RGS7: variants seen among roughly 807,000 people sequenced by gnomAD.
The protein encoded by RGS7 is regulator of G-protein signaling 7.
RGS7 carries 27 observed loss-of-function variants against 81.1 expected under a neutral mutation model. The observed-to-expected ratio is 0.33, with a 90% CI of 0.25 to 0.46. RGS7 has a LOEUF of 0.46. Among genes scored for constraint, RGS7 ranks in the 20% least tolerant of loss-of-function variants. The pLI, the probability that RGS7 is intolerant of heterozygous loss-of-function variation, is 1.00. For synonymous variants in RGS7, 208 were observed against 207.7 expected (o/e 1.00, Z -0.01); for missense variants, 396 against 607.4 (o/e 0.65, Z 3.66).
At chr1:240,834,468 G>GT (rs1165246247) in intron 9 of RGS7, among the ~76,000 whole-genome samples, 1 of 152,076 alleles carries the variant, frequency 6.6e-6, no homozygotes, top group Non-Finnish European at 1.5e-5. Context: ...TGATAAGGTG[G>GT]TAAGGACTTT....
At chr1:240,890,575 T>A (rs762076717) in intron 6 of RGS7, among the ~76,000 whole-genome samples, 7 of 151,966 alleles carry the variant, frequency 4.6e-5, no homozygotes, top group Non-Finnish European at 1.0e-4. Context: ...TTGAAGAGAA[T>A]GATAATGAAA....
chr1:240,912,150 CAAAAAAA>C (rs374318547), intron 6 of RGS7, among the ~76,000 whole-genome samples: 6 of 55,784 alleles, frequency 1.1e-4, no homozygotes, highest in African/African-American at 3.5e-4. Context: ...GATTCTGTCT[CAAAAAAA>C]AAAAAAAAAA....
chr1:241,014,012 A>G (rs142062919), intron 3 of RGS7, among the ~76,000 whole-genome samples: 8 of 152,228 alleles, frequency 5.3e-5, no homozygotes, highest in Non-Finnish European at 7.3e-5. Flanking sequence ...GTCCTTTTCA[A>G]GTAACCTTAC....
chr1:241,237,430 A>G (rs1039314706), intron 2 of RGS7, among the ~76,000 whole-genome samples: 2 of 152,120 alleles, frequency 1.3e-5, no homozygotes, highest in South Asian at 2.1e-4. Context: ...AGTTATTTCA[A>G]ACTCCAGCTA....
chr1:241,053,678 C>A (rs2148813669), intron 3 of RGS7, among the ~76,000 whole-genome samples: 1 of 152,184 alleles, frequency 6.6e-6, no homozygotes, highest in South Asian at 2.1e-4. Context: ...TTGGCTGTGT[C>A]CCCACCCAAA....
At chr1:240,915,953 A>G (rs1225196675) in intron 6 of RGS7, among the ~76,000 whole-genome samples, 1 of 151,896 alleles carries the variant, frequency 6.6e-6, no homozygotes, top group Non-Finnish European at 1.5e-5. Flanking sequence ...AAATACAAAG[A>G]GAAAAAAAAG....
intron 9 of RGS7, among the ~76,000 whole-genome samples, chr1:240,860,428 G>T (rs1661993164): frequency 6.6e-6 from 1 of 152,044 alleles, no homozygotes; most frequent in Admixed American, 6.6e-5. Context: ...TCTTTATGAA[G>T]AATTGATCTT....
chr1:240,827,028 T>C, intron 10 of RGS7, 70 bp downstream of exon 10: 3 of 1,267,836 alleles, frequency 2.4e-6, no homozygotes, highest in Non-Finnish European at 3.5e-6. Context: ...GAAGAAAGTG[T>C]TTTTATGGCT....
At chr1:241,096,441 G>A (rs1054064519) in intron 3 of RGS7, among the ~76,000 whole-genome samples, 11 of 151,770 alleles carry the variant, frequency 7.2e-5, no homozygotes, top group African/African-American at 2.2e-4. Context: ...CTAAATCCAC[G>A]ACAAAGCATC....
At chr1:240,906,188 A>T (rs1322617326) in intron 6 of RGS7, among the ~76,000 whole-genome samples, 1 of 151,946 alleles carries the variant, frequency 6.6e-6, no homozygotes. Flanking sequence ...ATCACTCTGG[A>T]AAGAGGTGGT....
intron 6 of RGS7, among the ~76,000 whole-genome samples, chr1:240,905,597 T>C (rs568722129): frequency 4.6e-5 from 7 of 152,220 alleles, no homozygotes; most frequent in Non-Finnish European, 1.0e-4. Flanking sequence ...GTTAGTCTGA[T>C]TCCAAAACTT....
intron 18 of RGS7, among the ~76,000 whole-genome samples, chr1:240,784,771 T>C (rs529018395): frequency 6.6e-6 from 1 of 151,902 alleles, no homozygotes; most frequent in East Asian, 2.0e-4. Context: ...TGCTGTAGAC[T>C]GGGATGGATA....
chr1:241,016,336 C>T (rs2459939), intron 3 of RGS7, among the ~76,000 whole-genome samples: 1 of 152,018 alleles, frequency 6.6e-6, no homozygotes, highest in African/African-American at 2.4e-5. Context: ...TGGCCAACAT[C>T]GTGAGACCCT....
chr1:240,800,245 C>T (rs1244830162), intron 18 of RGS7, among the ~76,000 whole-genome samples: 1 of 151,992 alleles, frequency 6.6e-6, no homozygotes, highest in Non-Finnish European at 1.5e-5. Context: ...ACAGAGGTTC[C>T]AATAGTGCCA....
At chr1:240,941,816 A>G (rs1482342920) in intron 4 of RGS7, among the ~76,000 whole-genome samples, 1 of 151,326 alleles carries the variant, frequency 6.6e-6, no homozygotes, top group East Asian at 1.9e-4. Flanking sequence ...ATCTTGGAAC[A>G]AAGTGTTGAA....
intron 2 of RGS7, among the ~76,000 whole-genome samples, chr1:241,216,283 A>G (rs1189381743): frequency 6.6e-6 from 1 of 152,134 alleles, no homozygotes; most frequent in Non-Finnish European, 1.5e-5. Context: ...GAAAAAAATA[A>G]ATAAATAAAA....
At chr1:241,058,181 G>C (rs1347209829) in intron 3 of RGS7, among the ~76,000 whole-genome samples, 2 of 152,150 alleles carry the variant, frequency 1.3e-5, no homozygotes, top group East Asian at 3.9e-4. Context: ...TGCATTAAGA[G>C]GCAAAATGGC....
At chr1:240,890,431 G>C (rs2148140489) in intron 6 of RGS7, among the ~76,000 whole-genome samples, 1 of 152,256 alleles carries the variant, frequency 6.6e-6, no homozygotes, top group African/African-American at 2.4e-5. Flanking sequence ...GATTACAGGG[G>C]TGAGCCACCA....
chr1:240,897,859 A>G (rs1187253290), intron 6 of RGS7, among the ~76,000 whole-genome samples: 1 of 152,184 alleles, frequency 6.6e-6, no homozygotes, highest in African/African-American at 2.4e-5. Context: ...AAGGAATGGT[A>G]CCAGCTCCTC....
Sources: gnomAD v4.1 joint callset for allele counts (sites outside exome capture counted in the v4.1 genomes callset) on GRCh38, gnomAD v4.1.1 for gene constraint, MANE v1.5 for transcripts, NCBI Gene and HGNC (gene_info 2026-07-23, HGNC 2026-07-21) for gene names.